SOD1: variants seen among roughly 807,000 people sequenced by gnomAD.
The protein encoded by SOD1 is superoxide dismutase 1.
In SOD1, 8 loss-of-function variants were observed where a neutral mutation model predicts 15.9. The ratio of observed to expected loss-of-function variants is 0.50; its 90% confidence interval spans 0.30 to 0.91. SOD1 has a LOEUF of 0.91. SOD1 is among the 40% of genes least tolerant of loss of function. The pLI, the probability that SOD1 is intolerant of heterozygous loss-of-function variation, is 0.07. For missense variants in SOD1, 137 were observed against 194.5 expected, an observed-to-expected ratio of 0.70 and a Z score of 1.76; for synonymous variants, 86 against 71.2, an observed-to-expected ratio of 1.21 and a Z score of -1.04.
At chr21:31,660,567 G>C (rs557528938) in intron 1 of SOD1, 16 of 152,338 alleles carry the variant, frequency 1.1e-4, no homozygotes, top group African/African-American at 3.8e-4. Context: ...CCGGGAGCCA[G>C]AGGTTTAACT....
chr21:31,664,144 G>T (rs757778694), intron 2 of SOD1, among the ~76,000 whole-genome samples: 10 of 151,942 alleles, frequency 6.6e-5, no homozygotes, highest in Admixed American at 5.2e-4. Flanking sequence ...GCTAATTTTT[G>T]TATTTTTTTC....
intron 3 of SOD1, 64 bp downstream of exon 3, chr21:31,666,582 C>A: frequency 1.7e-6 from 2 of 1,166,798 alleles, no homozygotes; most frequent in Non-Finnish European, 2.6e-6. Context: ...TGGTATACTA[C>A]TTGTAAATAT....
Sources: allele counts gnomAD v4.1 joint callset (sites outside exome capture counted in the v4.1 genomes callset), GRCh38; gene constraint gnomAD v4.1.1; transcripts MANE v1.5; gene names NCBI Gene and HGNC (gene_info 2026-07-23, HGNC 2026-07-21).